Variants in PTPRG observed in about 807,000 individuals in gnomAD.
PTPRG encodes the protein protein tyrosine phosphatase receptor type G.
Under a neutral mutation model 165.3 loss-of-function variants are expected in PTPRG, and 102 were observed. The observed-to-expected ratio is 0.62, with a 90% CI of 0.53 to 0.73. PTPRG has a LOEUF of 0.73. PTPRG is among the 30% of genes least tolerant of loss of function. The probability of loss-of-function intolerance (pLI) is 0.00; values close to 1 mark genes in which losing one functional copy is unlikely to be tolerated. For missense variants in PTPRG, 1,866 were observed against 1,861.4 expected, an observed-to-expected ratio of 1.00 and a Z score of -0.05; for synonymous variants, 675 against 669.5, an observed-to-expected ratio of 1.01 and a Z score of -0.13.
At chr3:62,282,389 ATT>A (rs141570014) in intron 27 of PTPRG, among the ~76,000 whole-genome samples, 1 of 143,658 alleles carries the variant, frequency 7.0e-6, no homozygotes, top group African/African-American at 2.5e-5. Flanking sequence ...TGACTAGTTA[ATT>A]TTTTTTTTTT....
At chr3:61,964,909 T>A (rs1460093811) in intron 2 of PTPRG, among the ~76,000 whole-genome samples, 1 of 151,886 alleles carries the variant, frequency 6.6e-6, no homozygotes, top group Non-Finnish European at 1.5e-5. Flanking sequence ...GTTCAGCCTT[T>A]AAAAAAAATC....
intron 2 of PTPRG, among the ~76,000 whole-genome samples, chr3:61,778,438 A>G (rs1323127122): frequency 1.3e-5 from 2 of 152,000 alleles, no homozygotes; most frequent in African/African-American, 2.4e-5. Context: ...GATACTTTCA[A>G]TTTTCCATCT....
intron 2 of PTPRG, among the ~76,000 whole-genome samples, chr3:61,815,831 A>T (rs906231591): frequency 6.6e-6 from 1 of 152,240 alleles, no homozygotes; most frequent in Non-Finnish European, 1.5e-5. Flanking sequence ...GAATGAATAC[A>T]GCAGAACATG....
intron 1 of PTPRG, among the ~76,000 whole-genome samples, chr3:61,704,116 G>C (rs1387125894): frequency 1.3e-5 from 2 of 152,138 alleles, no homozygotes; most frequent in African/African-American, 4.8e-5. Flanking sequence ...GGCACAAATT[G>C]GTTGTCTGCA....
At chr3:61,840,367 A>T (rs2036588711) in intron 2 of PTPRG, among the ~76,000 whole-genome samples, 1 of 152,312 alleles carries the variant, frequency 6.6e-6, no homozygotes, top group East Asian at 1.9e-4. Context: ...TAGGGTTTTT[A>T]AGCCCATATA....
At chr3:61,580,029 T>C (rs1700251736) in intron 1 of PTPRG, among the ~76,000 whole-genome samples, 1 of 150,276 alleles carries the variant, frequency 6.7e-6, no homozygotes, top group Non-Finnish European at 1.5e-5. Context: ...AAATAAAAAA[T>C]ATGTCATAAA....
At chr3:61,949,828 A>C (rs868819543) in intron 2 of PTPRG, among the ~76,000 whole-genome samples, 2 of 149,820 alleles carry the variant, frequency 1.3e-5, no homozygotes, top group South Asian at 4.3e-4. Flanking sequence ...GCTCACTGCA[A>C]CCTCCACCTC....
chr3:61,815,982 T>A (rs1221639653), intron 2 of PTPRG, among the ~76,000 whole-genome samples: 1 of 152,224 alleles, frequency 6.6e-6, no homozygotes, highest in Non-Finnish European at 1.5e-5. Context: ...TTGAAAATAT[T>A]ACTACAAGTG....
intron 1 of PTPRG, among the ~76,000 whole-genome samples, chr3:61,649,631 C>G (rs774777542): frequency 2.0e-5 from 3 of 152,166 alleles, no homozygotes; most frequent in Non-Finnish European, 2.9e-5. Context: ...ACAACACCTA[C>G]GTTTTGGAGG....
intron 1 of PTPRG, chr3:61,742,403 A>ATT (rs34010935): frequency 0.3 from 215,569 of 719,534 alleles, 27,261 homozygotes; most frequent in African/African-American, 0.45. Flanking sequence ...TGGGTCTGGA[A>ATT]TTTTTTTTTT....
intron 23 of PTPRG, among the ~76,000 whole-genome samples, chr3:62,275,016 A>G (rs1303909009): frequency 6.6e-6 from 1 of 152,144 alleles, no homozygotes; most frequent in Non-Finnish European, 1.5e-5. Flanking sequence ...AAAAACAAGA[A>G]TCAAACTTGA....
Position 62,237,262 on chromosome 3 carries a change from G to A in PTPRG, c.2375+5951G>A, listed in dbSNP as rs1422285069. Among the ~76,000 whole-genome samples, 1 of 152,162 alleles carries A rather than the reference G, an allele frequency of 6.6e-6. No homozygotes were observed. The highest frequency in any genetic ancestry group is 1.5e-5 in the Non-Finnish European group (1 of 68,028). On this transcript the variant is annotated intron_variant, in intron 14 of 29. Coordinates refer to ENST00000474889, the MANE Select transcript of PTPRG (RefSeq NM_002841.4). The surrounding 1 kb of genome is among the most constrained non-coding windows in gnomAD (Gnocchi z 4.5). ...GGTATTCTTCCTTAAGAATTCCTGG[G>A]TGGAAATGGGGGGTCAGAAGTCTAG...
intron 2 of PTPRG, among the ~76,000 whole-genome samples, chr3:61,953,381 T>C (rs570873741): frequency 3.2e-4 from 49 of 152,280 alleles, no homozygotes; most frequent in Middle Eastern, 3.4e-3. Flanking sequence ...AAAAAAGGAA[T>C]TGCTGGTCAA....
chr3:62,203,492 G>A lies in PTPRG; in HGVS notation c.1697G>A (p.Gly566Asp), dbSNP rs938838750. The A allele has an allele frequency of 1.9e-6, 3 of 1,567,968 alleles. No homozygotes were observed. The highest frequency in any genetic ancestry group is 1.7e-6 in the Non-Finnish European group (2 of 1,155,652). ...GCCTTGGCTTCTCCAGGGCCCGATG[G>A]TGATTCGTCACCAACCAAGGACGGC... ...TEALASPGPD[G>D]DSSPTKDGEG... The change falls in exon 12 of 30, where the codon GGT becomes GAT. Residue 566 changes from glycine (G) to aspartate (D), a missense_variant. Physicochemically the swap from Gly to Asp is moderately conservative, Grantham distance 94 (BLOSUM62 -1). Transcript: ENST00000474889. The surrounding 1 kb of genome is among the most constrained non-coding windows in gnomAD (Gnocchi z 6.4).
chr3:61,758,234 G>C (rs78089916), intron 2 of PTPRG, among the ~76,000 whole-genome samples: 1,708 of 152,100 alleles, frequency 0.011, 29 homozygotes, highest in African/African-American at 0.038. Context: ...CAGTATTCCC[G>C]ATTTAGCCTC....
chr3:62,132,113 A>G (rs1174376592), intron 5 of PTPRG, among the ~76,000 whole-genome samples: 1 of 152,210 alleles, frequency 6.6e-6, no homozygotes, highest in Non-Finnish European at 1.5e-5. Flanking sequence ...TGCTTTCCAT[A>G]ACTTTTAGAA....
At chr3:62,167,545 A>T (rs1705038914) in intron 7 of PTPRG, among the ~76,000 whole-genome samples, 1 of 152,206 alleles carries the variant, frequency 6.6e-6, no homozygotes, top group Non-Finnish European at 1.5e-5. Context: ...CAGCTTGTTC[A>T]GGTCACAGAG....
At chr3:62,047,029 G>A (rs749382542) in intron 4 of PTPRG, among the ~76,000 whole-genome samples, 6 of 152,126 alleles carry the variant, frequency 3.9e-5, no homozygotes, top group Non-Finnish European at 5.9e-5. Context: ...TTGCCCATGG[G>A]TATTAGTGCA....
chr3:61,880,938 C>T (rs1254538157), intron 2 of PTPRG, among the ~76,000 whole-genome samples: 2 of 142,726 alleles, frequency 1.4e-5, no homozygotes, highest in Non-Finnish European at 1.5e-5. Flanking sequence ...AGAGACCATG[C>T]TATGCTGTCT....
Sources: allele counts gnomAD v4.1 joint callset (sites outside exome capture counted in the v4.1 genomes callset), GRCh38; gene constraint gnomAD v4.1.1; non-coding constraint Gnocchi (gnomAD v3.1); transcripts MANE v1.5; gene names NCBI Gene and HGNC (gene_info 2026-07-23, HGNC 2026-07-21).